The following PAFAH1B1 variants were observed in gnomAD, a reference collection of about 807,000 sequenced individuals.
The protein encoded by PAFAH1B1 is platelet activating factor acetylhydrolase 1b regulatory subunit 1, also known as platelet-activating factor acetylhydrolase IB subunit beta.
PAFAH1B1 carries 2 observed loss-of-function variants against 57.5 expected under a neutral mutation model. The observed-to-expected ratio is 0.03, with a 90% CI of 0.01 to 0.11. The LOEUF (loss-of-function observed/expected upper bound fraction) is 0.11. PAFAH1B1 is among the 10% of genes least tolerant of loss of function. The probability of loss-of-function intolerance (pLI) is 1.00; values close to 1 mark genes in which losing one functional copy is unlikely to be tolerated. For missense variants in PAFAH1B1, 257 were observed against 512.0 expected (o/e 0.50, Z 4.81); for synonymous variants, 152 against 169.6 (o/e 0.90, Z 0.81).
At chr17:2,676,398 A>T (rs2069268679) in intron 8 of PAFAH1B1, 107 bp from the exon 9 acceptor site, 1 of 780,628 alleles carries the variant, frequency 1.3e-6, no homozygotes, top group African/African-American at 1.7e-5. Flanking sequence ...AAAAACCAAA[A>T]TGCAACAAAA....
At chr17:2,653,785 A>AAT (rs1007043190) in intron 2 of PAFAH1B1, among the ~76,000 whole-genome samples, 14 of 152,162 alleles carry the variant, frequency 9.2e-5, no homozygotes, top group African/African-American at 3.4e-4. Flanking sequence ...AAGTAACTAT[A>AAT]CATTTTTTAT....
At chr17:2,617,796 T>C (rs2068365483) in intron 1 of PAFAH1B1, among the ~76,000 whole-genome samples, 1 of 152,058 alleles carries the variant, frequency 6.6e-6, no homozygotes, top group Non-Finnish European at 1.5e-5. Context: ...GGTGGGTGTC[T>C]GTAATCCCAG....
At chr17:2,674,505 G>A (rs1291827278) in intron 8 of PAFAH1B1, among the ~76,000 whole-genome samples, 1 of 152,132 alleles carries the variant, frequency 6.6e-6, no homozygotes, top group African/African-American at 2.4e-5. Flanking sequence ...GATTTGATAC[G>A]TGATGGGTAT....
At chr17:2,679,382 TTGGATGGA>T (rs1301256880) in intron 9 of PAFAH1B1, among the ~76,000 whole-genome samples, 1 of 82,422 alleles carries the variant, frequency 1.2e-5, no homozygotes, top group African/African-American at 3.7e-5. Flanking sequence ...GGATGAATGA[TTGGATGGA>T]TGGATGGATG....
chr17:2,680,466 C>T, intron 10 of PAFAH1B1, 146 bp downstream of exon 10: 1 of 770,552 alleles, frequency 1.3e-6, no homozygotes, highest in Non-Finnish European at 2.3e-6. Flanking sequence ...TTGTGGATTC[C>T]TACCATTTGT....
At chr17:2,634,328 G>A (rs189363099) in intron 1 of PAFAH1B1, among the ~76,000 whole-genome samples, 1 of 152,196 alleles carries the variant, frequency 6.6e-6, no homozygotes, top group Non-Finnish European at 1.5e-5. Context: ...GTAGAGACGG[G>A]GTTTTGCCAT....
chr17:2,659,316 ATCACAAGG>A (rs1158179244), intron 2 of PAFAH1B1: 1 of 166,358 alleles, frequency 6.0e-6, no homozygotes, highest in Non-Finnish European at 1.3e-5. Flanking sequence ...AGGCGGGCGG[ATCACAAGG>A]TCAAGAGATC....
chr17:2,668,536 A>C (rs912389521), intron 5 of PAFAH1B1, among the ~76,000 whole-genome samples: 1 of 151,836 alleles, frequency 6.6e-6, no homozygotes, highest in Non-Finnish European at 1.5e-5. Context: ...AAAATTAGCC[A>C]GGTATGGTGG....
At chr17:2,643,107 G>A (rs2068718942) in intron 2 of PAFAH1B1, among the ~76,000 whole-genome samples, 1 of 151,970 alleles carries the variant, frequency 6.6e-6, no homozygotes, top group Non-Finnish European at 1.5e-5. Flanking sequence ...TTGTTTTGGA[G>A]ACAAGAGTCT....
chr17:2,681,163 T>C (rs1168729830), intron 10 of PAFAH1B1: 2 of 152,790 alleles, frequency 1.3e-5, no homozygotes, highest in African/African-American at 2.4e-5. Flanking sequence ...ACTCCCTTGC[T>C]GATCAGTAGT....
chr17:2,643,908 G>T (rs771966206), intron 2 of PAFAH1B1, among the ~76,000 whole-genome samples: 1 of 151,876 alleles, frequency 6.6e-6, no homozygotes, highest in Non-Finnish European at 1.5e-5. Context: ...AACCCCTTTC[G>T]CCCAGGCTGG....
Position 2,632,366 on chromosome 17 carries a change from A to G in PAFAH1B1, c.-190-5733A>G, listed in dbSNP as rs375799325. On this transcript the variant is annotated intron_variant, in intron 1 of 10. Transcript: ENST00000397195. Reference sequence around the variant, plus strand: ...AGTTTGTTCATTGGTTTATTTTACAATTTGTCTAACTCTAGATCTAAATTA... The same window carrying G: ...AGTTTGTTCATTGGTTTATTTTACAGTTTGTCTAACTCTAGATCTAAATTA... 1.1e-3 allele frequency among the ~76,000 whole-genome samples: 168 copies of G among 152,346 alleles called. 6 individuals carry two copies. The South Asian group carries it at 0.034, about 31-fold the overall frequency.
chr17:2,675,720 A>G (rs2069254035), intron 8 of PAFAH1B1, among the ~76,000 whole-genome samples: 1 of 151,832 alleles, frequency 6.6e-6, no homozygotes, highest in African/African-American at 2.4e-5. Context: ...ACACTCCTGT[A>G]GTCCCAGCCA....
intron 2 of PAFAH1B1, among the ~76,000 whole-genome samples, chr17:2,642,943 T>G (rs1032486611): frequency 6.6e-6 from 1 of 152,212 alleles, no homozygotes; most frequent in Admixed American, 6.6e-5. Flanking sequence ...TACTCTCTTC[T>G]GAATCCCTTC....
At chr17:2,612,043 T>C (rs1333883442) in intron 1 of PAFAH1B1, among the ~76,000 whole-genome samples, 1 of 152,164 alleles carries the variant, frequency 6.6e-6, no homozygotes, top group Non-Finnish European at 1.5e-5. Context: ...AGCTATTAGG[T>C]TGAACCATTA....
At chr17:2,606,033 G>A (rs2068201196) in intron 1 of PAFAH1B1, among the ~76,000 whole-genome samples, 2 of 152,170 alleles carry the variant, frequency 1.3e-5, no homozygotes, top group African/African-American at 4.8e-5. Flanking sequence ...GTAGGTGAGA[G>A]ATATACAAAG....
chr17:2,654,154 C>A (rs115051834), intron 2 of PAFAH1B1, among the ~76,000 whole-genome samples: 8,939 of 151,310 alleles, frequency 0.059, 678 homozygotes, highest in African/African-American at 0.18. Flanking sequence ...TGCTTCTATC[C>A]AGCTTACATG....
intron 5 of PAFAH1B1, among the ~76,000 whole-genome samples, chr17:2,668,222 A>C (rs1310462293): frequency 6.6e-6 from 1 of 151,896 alleles, no homozygotes; most frequent in African/African-American, 2.4e-5. Flanking sequence ...GCTACTTGGA[A>C]GGCTGAGGCA....
At position 2,597,403 on chromosome 17, in the gene PAFAH1B1, CTTTT is replaced by C. The variant is rs1187594089; in HGVS notation, c.-191+3419_-191+3422del. Among the ~76,000 whole-genome samples the C allele has an allele frequency of 1.1e-3, 74 of 64,392 alleles. 1 individual carries two copies. The highest frequency in any genetic ancestry group is 4.5e-3 in the African/African-American group (69 of 15,442). 42.2% of individuals were successfully genotyped at this position (64,392 alleles called of 152,430 possible). ...GCTTTTCTAGCTAGAACATCCGTGT[CTTTT>C]TTTTTTTTTTTTTTTTTTTTTGAGG... On this transcript the variant is annotated intron_variant, in intron 1 of 10. Transcript: ENST00000397195.
Sources: gnomAD v4.1 joint callset for allele counts (sites outside exome capture counted in the v4.1 genomes callset) on GRCh38, gnomAD v4.1.1 for gene constraint, MANE v1.5 for transcripts, NCBI Gene and HGNC (gene_info 2026-07-23, HGNC 2026-07-21) for gene names.